Variants in ADAMTS3 observed in about 807,000 individuals in gnomAD.
The protein encoded by ADAMTS3 is ADAM metallopeptidase with thrombospondin type 1 motif 3.
In ADAMTS3, 73 loss-of-function variants were observed where a neutral mutation model predicts 129.0. The ratio of observed to expected loss-of-function variants is 0.57; its 90% CI spans 0.47 to 0.69. The LOEUF is 0.69. Ranked by LOEUF, ADAMTS3 falls within the 30% of genes least tolerant of loss-of-function variation. The pLI is 0.00. For missense variants in ADAMTS3, 1,457 were observed against 1,514.5 expected, an observed-to-expected ratio of 0.96 and a Z score of 0.63; for synonymous variants, 477 against 510.8, an observed-to-expected ratio of 0.93 and a Z score of 0.89.
At chr4:72,515,242 A>T (rs902353654) in intron 3 of ADAMTS3, among the ~76,000 whole-genome samples, 17 of 151,906 alleles carry the variant, frequency 1.1e-4, no homozygotes, top group African/African-American at 4.1e-4. Context: ...TCATTGTTGG[A>T]CATTTGGGTT....
intron 3 of ADAMTS3, among the ~76,000 whole-genome samples, chr4:72,426,108 C>G (rs958042743): frequency 3.3e-5 from 5 of 152,010 alleles, no homozygotes; most frequent in South Asian, 2.1e-4. Context: ...TTATTCATGT[C>G]TCTGTTGGCT....
chr4:72,315,856 A>C lies in ADAMTS3; in HGVS notation c.1599+2T>G. 6.4e-7 allele frequency: 1 copy of C among 1,573,222 alleles called. No individual in the cohort carries two copies. The highest frequency in any genetic ancestry group is 8.7e-7 in the Non-Finnish European group (1 of 1,146,884). On this transcript the variant is annotated splice_donor_variant, in intron 11 of 21. Transcript: ENST00000286657. LOFTEE classifies it high-confidence loss of function. ...ATTTATTGTGTAAATAGATATACTCACTTTTCCAGCAGCACATTCAGTCCC... is the reference window on the plus strand; with the variant it reads ...ATTTATTGTGTAAATAGATATACTCCCTTTTCCAGCAGCACATTCAGTCCC...
chr4:72,496,975 A>C (rs566495363), intron 3 of ADAMTS3, among the ~76,000 whole-genome samples: 1 of 152,158 alleles, frequency 6.6e-6, no homozygotes, highest in Non-Finnish European at 1.5e-5. Context: ...CCCACTTTGC[A>C]CAATAACAAT....
chr4:72,464,674 A>G (rs958064857), intron 3 of ADAMTS3, among the ~76,000 whole-genome samples: 40 of 152,070 alleles, frequency 2.6e-4, no homozygotes, highest in African/African-American at 9.2e-4. Flanking sequence ...TCAAATACTA[A>G]TGGCAACAAC....
chr4:72,484,908 C>G (rs1719539208), intron 3 of ADAMTS3, among the ~76,000 whole-genome samples: 1 of 152,116 alleles, frequency 6.6e-6, no homozygotes, highest in South Asian at 2.1e-4. Context: ...AATCATGTAT[C>G]CTTGTTTTTC....
At chr4:72,344,597 G>A (rs1464593392) in intron 4 of ADAMTS3, among the ~76,000 whole-genome samples, 3 of 152,092 alleles carry the variant, frequency 2.0e-5, no homozygotes, top group Non-Finnish European at 4.4e-5. Flanking sequence ...CTAAGTATAA[G>A]CCAATGAGAT....
Position 72,496,257 on chromosome 4 carries a change from C to T in ADAMTS3, c.504+52221G>A, listed in dbSNP as rs114380124. Among the ~76,000 whole-genome samples the T allele has an allele frequency of 2.7e-3, 405 of 152,210 alleles. 2 individuals carry two copies. The highest frequency in any genetic ancestry group is 9.5e-3 in the African/African-American group (394 of 41,546). On this transcript the variant is annotated intron_variant, in intron 3 of 21. Coordinates refer to ENST00000286657, the MANE Select transcript of ADAMTS3 (RefSeq NM_014243.3). ...GTTCTTGTGTGGTTTTCTAGTCATA[C>T]CTTCAAATGTAATAAATTAAGTGTT... is the stretch of plus-strand genomic sequence containing the variant.
At chr4:72,529,675 T>C (rs1027436328) in intron 3 of ADAMTS3, among the ~76,000 whole-genome samples, 1 of 126,238 alleles carries the variant, frequency 7.9e-6, no homozygotes, top group African/African-American at 3.0e-5. Flanking sequence ...ATATTAAATA[T>C]TATTTATATA....
At chr4:72,480,888 C>CAA (rs1392698385) in intron 3 of ADAMTS3, among the ~76,000 whole-genome samples, 1 of 151,090 alleles carries the variant, frequency 6.6e-6, no homozygotes, top group Non-Finnish European at 1.5e-5. Flanking sequence ...AATAAACCTG[C>CAA]AAAAATAAAT....
intron 3 of ADAMTS3, among the ~76,000 whole-genome samples, chr4:72,422,713 G>A (rs1181714851): frequency 6.6e-6 from 1 of 152,072 alleles, no homozygotes; most frequent in Non-Finnish European, 1.5e-5. Context: ...TACTCACTAG[G>A]AGGGGTCCTC....
chr4:72,295,538 T>C, intron 19 of ADAMTS3, 116 bp downstream of exon 19: 1 of 1,111,246 alleles, frequency 9.0e-7, no homozygotes. Flanking sequence ...GACTTGACTA[T>C]TTAAACCATG....
In ADAMTS3 at chr4:72,312,434, A is replaced by T. The variant is rs779983114; in HGVS notation, c.1778T>A (p.Val593Asp). The T allele has an allele frequency of 4.3e-6, 7 of 1,613,558 alleles. No individual in the cohort carries two copies. The highest frequency in any genetic ancestry group is 5.9e-6 in the Non-Finnish European group (7 of 1,179,672). The change falls in exon 13 of 22, where the codon GTT becomes GAT. Residue 593 changes from valine (V) to aspartate (D), a missense_variant. By Grantham distance (152) the Val-to-Asp change is radical. Coordinates refer to ENST00000286657, the MANE Select transcript of ADAMTS3 (RefSeq NM_014243.3). ...GTTACAAAGCTGGTACTCAAAATTA[A>T]CACCAGGACAATCCTGACCACCATT... Reference protein sequence around the residue: ...PINGGQDCPGVNFEYQLCNTE... With the variant: ...PINGGQDCPGDNFEYQLCNTE...
chr4:72,396,818 TATACTC>T (rs1365530746), intron 4 of ADAMTS3, among the ~76,000 whole-genome samples: 2 of 152,238 alleles, frequency 1.3e-5, no homozygotes, highest in African/African-American at 2.4e-5. Context: ...TTCTGAATCT[TATACTC>T]AGAGATTAGG....
At chr4:72,310,878 T>G (rs996212701) in intron 14 of ADAMTS3, among the ~76,000 whole-genome samples, 170 bp downstream of exon 14, 3 of 152,114 alleles carry the variant, frequency 2.0e-5, no homozygotes, top group Non-Finnish European at 4.4e-5. Context: ...AAAGTTTGAT[T>G]TGAGAAAGTA....
intron 3 of ADAMTS3, among the ~76,000 whole-genome samples, chr4:72,508,925 C>A (rs1477223535): frequency 6.6e-6 from 1 of 152,034 alleles, no homozygotes; most frequent in Non-Finnish European, 1.5e-5. Context: ...TATCAAGCAT[C>A]TTCTCTAACC....
chr4:72,530,667 A>C (rs1236456560), intron 3 of ADAMTS3, among the ~76,000 whole-genome samples: 5 of 72,846 alleles, frequency 6.9e-5, no homozygotes, highest in African/African-American at 2.5e-4. Flanking sequence ...TATATTATAT[A>C]ATATATAATA....
intron 3 of ADAMTS3, among the ~76,000 whole-genome samples, chr4:72,485,788 GA>G (rs1466780104): frequency 6.6e-6 from 1 of 152,168 alleles, no homozygotes; most frequent in East Asian, 1.9e-4. Context: ...ATGAAATTAA[GA>G]GGGGGGGCCT....
intron 3 of ADAMTS3, among the ~76,000 whole-genome samples, chr4:72,529,312 T>A (rs558428466): frequency 3.3e-5 from 5 of 152,154 alleles, no homozygotes; most frequent in African/African-American, 1.2e-4. Context: ...TAGCATCATA[T>A]GGGAACTGTT....
chr4:72,389,954 A>G (rs1237643630), intron 4 of ADAMTS3, among the ~76,000 whole-genome samples: 1 of 152,202 alleles, frequency 6.6e-6, no homozygotes, highest in Non-Finnish European at 1.5e-5. Context: ...ATGAATGTGT[A>G]TACACACATA....
Sources: gnomAD v4.1 joint callset for allele counts (sites outside exome capture counted in the v4.1 genomes callset) on GRCh38, gnomAD v4.1.1 for gene constraint, MANE v1.5 for transcripts, NCBI Gene and HGNC (gene_info 2026-07-23, HGNC 2026-07-21) for gene names.